PTAFR: variants seen among roughly 807,000 people sequenced by gnomAD.
PTAFR encodes platelet activating factor receptor, also known as platelet-activating factor receptor.
PTAFR carries 8 observed loss-of-function variants against 14.7 expected under a neutral mutation model. The ratio of observed to expected loss-of-function variants is 0.54; its 90% CI spans 0.32 to 0.98. PTAFR has a LOEUF of 0.98. Ranked by LOEUF, PTAFR falls within the 50% of genes least tolerant of loss-of-function variation. The pLI is 0.04. For synonymous variants in PTAFR, 156 were observed against 176.5 expected (o/e 0.88, Z 0.92); for missense variants, 337 against 451.2 (o/e 0.75, Z 2.29).
chr1:28,186,714 C>T (rs963082178), intron 1 of PTAFR, among the ~76,000 whole-genome samples: 7 of 152,016 alleles, frequency 4.6e-5, no homozygotes, highest in Admixed American at 1.3e-4. Flanking sequence ...CGCCTGAGGT[C>T]GGGAGTTCAA....
chr1:28,152,390 T>G (rs1646204110), intron 1 of PTAFR, among the ~76,000 whole-genome samples: 1 of 151,602 alleles, frequency 6.6e-6, no homozygotes, highest in South Asian at 2.1e-4. Context: ...TCGCCTGAGG[T>G]CAGGAGTTCA....
intron 1 of PTAFR, among the ~76,000 whole-genome samples, chr1:28,166,612 A>C (rs1188986745): frequency 6.6e-6 from 1 of 151,952 alleles, no homozygotes; most frequent in Non-Finnish European, 1.5e-5. Context: ...CGGAGGTTGC[A>C]GTGAGCCAAG....
chr1:28,163,877 AAAG>A (rs895681742), intron 1 of PTAFR, among the ~76,000 whole-genome samples: 2 of 152,236 alleles, frequency 1.3e-5, no homozygotes, highest in Non-Finnish European at 2.9e-5. Flanking sequence ...TTTGGAAAGA[AAAG>A]AAGAGGCTCA....
At chr1:28,170,136 T>C (rs562329598) in intron 1 of PTAFR, among the ~76,000 whole-genome samples, 1 of 152,228 alleles carries the variant, frequency 6.6e-6, no homozygotes, top group Non-Finnish European at 1.5e-5. Flanking sequence ...ATCTATCACA[T>C]TGCATTATCA....
rs375743829 is a variant in PTAFR, at chr1:28,150,478, C to T, written c.544G>A (p.Val182Met). Reference protein sequence around the residue: ...RCFEHYEKGSVPVLIIHIFIV... With the variant: ...RCFEHYEKGSMPVLIIHIFIV... The stretch of plus-strand genomic sequence containing the variant: ...AAGATGTGGATGATGAGGACTGGCA[C>T]GCTGCCCTTCTCGTAATGCTCAAAG... Residue 182 changes from valine to methionine, a missense_variant, in exon 2 of 2, where the codon GTG (valine) becomes ATG (methionine). Transcript: ENST00000373857. This position sits in a 1 kb window ranked among gnomAD's most constrained non-coding sequence, Gnocchi z 6.3. The T allele has an allele frequency of 2.9e-5, 47 of 1,614,214 alleles. No homozygotes were observed. The highest frequency in any genetic ancestry group is 2.1e-4 in the African/African-American group (16 of 75,060).
At chr1:28,188,664 G>C (rs994438648) in intron 1 of PTAFR, among the ~76,000 whole-genome samples, 2 of 151,864 alleles carry the variant, frequency 1.3e-5, no homozygotes, top group Non-Finnish European at 2.9e-5. Flanking sequence ...GAATCCTAGA[G>C]GTGGAGGAAC....
chr1:28,160,965 A>G (rs1646316801), intron 1 of PTAFR, among the ~76,000 whole-genome samples: 1 of 152,176 alleles, frequency 6.6e-6, no homozygotes, highest in South Asian at 2.1e-4. Flanking sequence ...AACCCTTGAA[A>G]TCACCCAAAA....
At chr1:28,174,018 A>T (rs1324182846) in intron 1 of PTAFR, among the ~76,000 whole-genome samples, 2 of 152,090 alleles carry the variant, frequency 1.3e-5, no homozygotes, top group East Asian at 3.8e-4. Context: ...ATCATTCCAG[A>T]TACATGTAGA....
chr1:28,187,654 T>G (rs1646617822), intron 1 of PTAFR, among the ~76,000 whole-genome samples: 2 of 152,024 alleles, frequency 1.3e-5, no homozygotes, highest in South Asian at 4.1e-4. Flanking sequence ...AGAGGCACCG[T>G]GTATTTTTTG....
chr1:28,158,272 G>C (rs960800005), intron 1 of PTAFR, among the ~76,000 whole-genome samples: 1 of 152,226 alleles, frequency 6.6e-6, no homozygotes, highest in African/African-American at 2.4e-5. Flanking sequence ...TGCGAGGAGA[G>C]AGGAATAACA....
Position 28,153,945 on chromosome 1 carries a change from T to C in PTAFR, c.-38-2886A>G, listed in dbSNP as rs1402146402. 2.6e-5 allele frequency among the ~76,000 whole-genome samples: 4 copies of C among 151,778 alleles called. No individual in the cohort carries two copies. The East Asian group carries it at 5.8e-4, about 22-fold the overall frequency. On this transcript the variant is annotated intron_variant, in intron 1 of 1. Coordinates refer to ENST00000373857, the MANE Select transcript of PTAFR (RefSeq NM_000952.5). Reference sequence around the variant, plus strand: ...GGTGCTTGCCTGTAGTCCTAGCTACTTGGGAGGCTGAAGTGGGAGGATCGC... The same window carrying C: ...GGTGCTTGCCTGTAGTCCTAGCTACCTGGGAGGCTGAAGTGGGAGGATCGC...
chr1:28,151,997 A>G (rs1646194944), intron 1 of PTAFR, among the ~76,000 whole-genome samples: 1 of 152,052 alleles, frequency 6.6e-6, no homozygotes, highest in African/African-American at 2.4e-5. Context: ...GGCTCAAGCA[A>G]TCTTCCCACC....
At chr1:28,174,622 T>C (rs1237942016) in intron 1 of PTAFR, among the ~76,000 whole-genome samples, 1 of 152,196 alleles carries the variant, frequency 6.6e-6, no homozygotes, top group Non-Finnish European at 1.5e-5. Flanking sequence ...TGGGACCAGA[T>C]ACTGGGCCTC....
upstream of PTAFR, among the ~76,000 whole-genome samples, chr1:28,178,313 T>G (rs184912795): frequency 2.6e-5 from 4 of 152,080 alleles, no homozygotes; most frequent in African/African-American, 7.2e-5. Flanking sequence ...CAGGCTGGAG[T>G]GCAGTGATGC....
intron 1 of PTAFR, among the ~76,000 whole-genome samples, chr1:28,192,495 T>A (rs890517326): frequency 5.7e-5 from 8 of 139,956 alleles, no homozygotes; most frequent in African/African-American, 2.2e-4. Flanking sequence ...GAGGTGGAGG[T>A]CGCAGTGAGC....
chr1:28,155,541 C>T (rs1208051414), intron 1 of PTAFR, among the ~76,000 whole-genome samples: 1 of 152,120 alleles, frequency 6.6e-6, no homozygotes, highest in Non-Finnish European at 1.5e-5. Flanking sequence ...AAGTGCAACT[C>T]ATGCTTCAGA....
Position 28,149,787 on chromosome 1 carries a change from CAGGCGGA to C in PTAFR, c.*199_*205del. ...TCACAGTTACTGTAGTATGCGCCCA[CAGGCGGA>C]TGAAGGGGCTCATTTGAGTTCTGGA... On this transcript the variant is annotated 3_prime_UTR_variant, in exon 2 of 2. Transcript: ENST00000373857. The C allele has an allele frequency of 1.6e-6, 1 of 614,466 alleles. No homozygotes were observed. Among genetic ancestry groups the C allele is most frequent in the Non-Finnish European group, 2.8e-6 (1 of 358,952 alleles). 38.1% of individuals were successfully genotyped at this position (614,466 alleles called of 1,614,324 possible). A position where few individuals can be genotyped will look rare whatever the true frequency, so the allele number is the denominator to read the frequency against.
At chr1:28,167,654 T>C (rs1458412219) in intron 1 of PTAFR, among the ~76,000 whole-genome samples, 1 of 141,008 alleles carries the variant, frequency 7.1e-6, no homozygotes, top group Non-Finnish European at 1.5e-5. Flanking sequence ...TTTTTTTTTT[T>C]TTTTTTTTTG....
chr1:28,160,480 A>C (rs1646309943), intron 1 of PTAFR, among the ~76,000 whole-genome samples: 1 of 150,218 alleles, frequency 6.7e-6, no homozygotes, highest in Non-Finnish European at 1.5e-5. Context: ...AGGAAGGAGG[A>C]TGGGTCAGGA....
Sources: gnomAD v4.1 joint callset for allele counts (sites outside exome capture counted in the v4.1 genomes callset) on GRCh38, gnomAD v4.1.1 for gene constraint, Gnocchi (gnomAD v3.1) non-coding constraint, MANE v1.5 for transcripts, NCBI Gene and HGNC (gene_info 2026-07-23, HGNC 2026-07-21) for gene names.